SRPK1: variants seen among roughly 807,000 people sequenced by gnomAD.
SRPK1 encodes the protein SFRS protein kinase 1.
Under a neutral mutation model 89.5 loss-of-function variants are expected in SRPK1, and 52 were observed. The ratio of observed to expected loss-of-function variants is 0.58; its 90% CI spans 0.46 to 0.73. The LOEUF (loss-of-function observed/expected upper bound fraction) is 0.73, where lower values mean the gene tolerates loss of function less well. Ranked by LOEUF, SRPK1 falls within the 30% of genes least tolerant of loss-of-function variation. SRPK1 has a pLI of 0.00. For missense variants in SRPK1, 603 were observed against 780.6 expected, an observed-to-expected ratio of 0.77 and a Z score of 2.71; for synonymous variants, 255 against 270.2, an observed-to-expected ratio of 0.94 and a Z score of 0.55.
chr6:35,920,771 G>T lies in SRPK1; in HGVS notation c.14-243C>A, dbSNP rs183490803. The T allele has an allele frequency of 5.7e-3, 2,010 of 353,168 alleles. 36 individuals are homozygous for T. The highest frequency in any genetic ancestry group is 0.039 in the African/African-American group (1,807 of 46,264). 21.9% of individuals were successfully genotyped at this position (353,168 alleles called of 1,614,324 possible). A position where few individuals can be genotyped will look rare whatever the true frequency, so the allele number is the denominator to read the frequency against. On this transcript the variant is annotated intron_variant, in intron 1 of 15. Coordinates refer to ENST00000373825, the MANE Select transcript of SRPK1 (RefSeq NM_003137.5). ...GGGCGGGCGGGTGGGGGTCTGCGTC[G>T]CCCGCCAAGGGCCGGGCCCTGGAGT... is the stretch of plus-strand genomic sequence containing the variant.
At chr6:35,914,575 C>T (rs1771048086) in intron 2 of SRPK1, among the ~76,000 whole-genome samples, 1 of 152,144 alleles carries the variant, frequency 6.6e-6, no homozygotes, top group Non-Finnish European at 1.5e-5. Flanking sequence ...TCTCAACCCC[C>T]ACTTATCTTT....
At chr6:35,856,665 T>G (rs1470480701) in intron 13 of SRPK1, among the ~76,000 whole-genome samples, 1 of 152,106 alleles carries the variant, frequency 6.6e-6, no homozygotes, top group Non-Finnish European at 1.5e-5. Flanking sequence ...CAAACACGAT[T>G]AGAAATTGTG....
At chr6:35,904,881 G>GT in intron 2 of SRPK1, 1 of 372,864 alleles carries the variant, frequency 2.7e-6, no homozygotes, top group Non-Finnish European at 5.3e-6. Flanking sequence ...GCTCACACCT[G>GT]TAATTCTAGT....
intron 8 of SRPK1, among the ~76,000 whole-genome samples, 191 bp downstream of exon 8, chr6:35,872,372 A>C (rs1351844980): frequency 6.6e-6 from 1 of 152,250 alleles, no homozygotes; most frequent in East Asian, 1.9e-4. Context: ...TACAACACAA[A>C]GACACAATAT....
intron 12 of SRPK1, among the ~76,000 whole-genome samples, chr6:35,860,788 A>C (rs1250854658): frequency 3.3e-5 from 5 of 152,188 alleles, no homozygotes; most frequent in Non-Finnish European, 7.3e-5. Context: ...AAGAGTGAGC[A>C]AATACCTGAG....
intron 2 of SRPK1, chr6:35,920,131 G>T: frequency 4.1e-6 from 2 of 489,362 alleles, no homozygotes. Context: ...TTCAGAAACA[G>T]ACCGATAATG....
chr6:35,835,413 T>C lies in SRPK1; in HGVS notation c.1859A>G (p.Gln620Arg). The stretch of plus-strand genomic sequence containing the variant: ...ATCTGTGAAGCCAGCTGCCTCTTCC[T>C]GCGACCACTCATACTTCTCCACTAG... ...EVLVEKYEWSQEEAAGFTDFL... is the reference protein window; with the variant it reads ...EVLVEKYEWSREEAAGFTDFL... Residue 620 changes from glutamine (Q) to arginine (R), a missense_variant, in exon 16 of 16, where the codon CAG becomes CGG. Gln to Arg is a conservative substitution (Grantham distance 43). Coordinates refer to ENST00000373825, the MANE Select transcript of SRPK1 (RefSeq NM_003137.5). 5 of 1,613,702 alleles carry C rather than the reference T, an allele frequency of 3.1e-6. No individual in the cohort carries two copies. The highest frequency in any genetic ancestry group is 4.2e-6 in the Non-Finnish European group (5 of 1,179,786).
chr6:35,870,814 G>A lies in SRPK1; in HGVS notation c.777+120C>T, dbSNP rs182210035. 230 of 840,504 alleles carry A rather than the reference G, an allele frequency of 2.7e-4. 2 individuals are homozygous for A. The African/African-American group carries it at 3.5e-3, about 13-fold the overall frequency. 52.1% of individuals were successfully genotyped at this position (840,504 alleles called of 1,614,324 possible). ...ATTTACTGGAGAAAATTATAGAAGC[G>A]CAGGAATTTTTTTTCCTTTTGGTTC... On this transcript the variant is annotated intron_variant, in intron 9 of 15. Coordinates refer to ENST00000373825, the MANE Select transcript of SRPK1 (RefSeq NM_003137.5).
chr6:35,921,085 C>T lies in SRPK1; in HGVS notation c.-29G>A. On this transcript the variant is annotated 5_prime_UTR_variant, in exon 1 of 16. Transcript: ENST00000373825. ...GAGACCGGTAATCGCCAGGCGCCTG[C>T]GCACTCGAGTGGCGGCGACTCCCGC... 1 of 1,492,694 alleles carries T rather than the reference C, an allele frequency of 6.7e-7. No individual in the cohort carries two copies. Among genetic ancestry groups the T allele is most frequent in the South Asian group, 1.3e-5 (1 of 78,864 alleles). 92.5% of individuals were successfully genotyped at this position (1,492,694 alleles called of 1,614,324 possible). A position where few individuals can be genotyped will look rare whatever the true frequency, so the allele number is the denominator to read the frequency against.
intron 2 of SRPK1, among the ~76,000 whole-genome samples, chr6:35,918,744 T>C (rs376782095): frequency 6.6e-6 from 1 of 152,174 alleles, no homozygotes; most frequent in African/African-American, 2.4e-5. Context: ...TTATCCATAG[T>C]AGTGAATGGG....
rs374419042 is a variant in SRPK1, at chr6:35,847,213, C to CT, written c.1621-4610dup. Among the ~76,000 whole-genome samples the CT allele has an allele frequency of 5.0e-3, 756 of 152,148 alleles. 5 individuals are homozygous for CT. Among genetic ancestry groups the CT allele is most frequent in the African/African-American group, 0.013 (538 of 41,514 alleles). ...AAATGTCAGTTAGCTGATAACATAA[C>CT]TTTTTTTTGGCAAGATGGAGTCTTG... On this transcript the variant is annotated intron_variant, in intron 13 of 15. Coordinates refer to ENST00000373825, the MANE Select transcript of SRPK1 (RefSeq NM_003137.5).
chr6:35,848,640 T>C (rs1176099633), intron 13 of SRPK1, among the ~76,000 whole-genome samples: 1 of 152,100 alleles, frequency 6.6e-6, no homozygotes, highest in Non-Finnish European at 1.5e-5. Flanking sequence ...AGCATGGTCC[T>C]GGCAAAAAAA....
chr6:35,860,770 G>A (rs1361825883), intron 12 of SRPK1, among the ~76,000 whole-genome samples: 2 of 152,154 alleles, frequency 1.3e-5, no homozygotes, highest in African/African-American at 4.8e-5. Context: ...AAGTTACAGG[G>A]AGAAAGGAAG....
At chr6:35,837,858 CCA>C (rs1047497619) in intron 15 of SRPK1, among the ~76,000 whole-genome samples, 3 of 151,388 alleles carry the variant, frequency 2.0e-5, no homozygotes, top group Non-Finnish European at 4.4e-5. Context: ...ATGCCTGGCT[CCA>C]GTCTCTGCTT....
intron 13 of SRPK1, among the ~76,000 whole-genome samples, chr6:35,847,977 G>C (rs1046947071): frequency 1.3e-5 from 2 of 151,822 alleles, no homozygotes; most frequent in Non-Finnish European, 2.9e-5. Flanking sequence ...ACCACACTTG[G>C]CTAATTTTTA....
At chr6:35,876,964 T>C (rs540985701) in intron 6 of SRPK1, among the ~76,000 whole-genome samples, 2 of 152,188 alleles carry the variant, frequency 1.3e-5, no homozygotes, top group Admixed American at 6.5e-5. Context: ...AGGGGAGAGC[T>C]GCAGAAAGAG....
chr6:35,921,002 G>T (rs1223149204), intron 1 of SRPK1, 42 bp downstream of exon 1: 4 of 1,531,494 alleles, frequency 2.6e-6, no homozygotes, highest in South Asian at 1.2e-5. Flanking sequence ...CCTCGCCCCG[G>T]CGACCATTGC....
chr6:35,920,996 GC>G, intron 1 of SRPK1, 47 bp downstream of exon 1: 1 of 1,525,504 alleles, frequency 6.6e-7, no homozygotes, highest in Non-Finnish European at 8.8e-7. Context: ...CCCGGGCCTC[GC>G]CCCGGCGACC....
At chr6:35,920,058 G>C (rs976483332) in intron 2 of SRPK1, 9 of 458,894 alleles carry the variant, frequency 2.0e-5, no homozygotes, top group Non-Finnish European at 3.5e-5. Context: ...ATTTCCTTAA[G>C]GCCTACCGTG....
Sources: allele counts gnomAD v4.1 joint callset (sites outside exome capture counted in the v4.1 genomes callset), GRCh38; gene constraint gnomAD v4.1.1; transcripts MANE v1.5; gene names NCBI Gene and HGNC (gene_info 2026-07-23, HGNC 2026-07-21).